UBE2D1: variants seen among roughly 807,000 people sequenced by gnomAD.
The protein encoded by UBE2D1 is ubiquitin-conjugating enzyme E2 D1.
UBE2D1 carries 9 observed loss-of-function variants against 24.6 expected under a neutral mutation model. That is an observed-to-expected ratio of 0.37 (90% CI 0.22 to 0.64). The LOEUF is 0.64. Among genes scored for constraint, UBE2D1 ranks in the 30% least tolerant of loss-of-function variants. The probability of loss-of-function intolerance (pLI) is 0.64; values close to 1 mark genes in which losing one functional copy is unlikely to be tolerated. For synonymous variants in UBE2D1, 57 were observed against 57.6 expected, an observed-to-expected ratio of 0.99 and a Z score of 0.04; for missense variants, 87 against 177.1, an observed-to-expected ratio of 0.49 and a Z score of 2.89.
chr10:58,341,977 C>G (rs1420660628), intron 1 of UBE2D1, among the ~76,000 whole-genome samples: 1 of 152,150 alleles, frequency 6.6e-6, no homozygotes, highest in Non-Finnish European at 1.5e-5. Context: ...AGGGGTAGGT[C>G]CTCAGGCCAC....
At chr10:58,360,685 C>T (rs532592775) in intron 1 of UBE2D1, among the ~76,000 whole-genome samples, 2 of 152,116 alleles carry the variant, frequency 1.3e-5, no homozygotes, top group South Asian at 2.1e-4. Context: ...TTTGGGAGGC[C>T]GAGGCAGGTG....
intron 1 of UBE2D1, among the ~76,000 whole-genome samples, chr10:58,341,460 T>C (rs1272910216): frequency 6.6e-6 from 1 of 152,176 alleles, no homozygotes; most frequent in African/African-American, 2.4e-5. Flanking sequence ...GCTCAGTCTT[T>C]CTTTTGTCCT....
intron 1 of UBE2D1, among the ~76,000 whole-genome samples, chr10:58,350,467 A>T (rs944008347): frequency 1.6e-4 from 25 of 152,066 alleles, no homozygotes; most frequent in African/African-American, 6.0e-4. Context: ...TAAAAAGTTG[A>T]TCTGTAGGAA....
chr10:58,350,525 T>C (rs540556290), intron 1 of UBE2D1, among the ~76,000 whole-genome samples: 174 of 152,316 alleles, frequency 1.1e-3, no homozygotes, highest in African/African-American at 3.8e-3. Flanking sequence ...ACATGTAATA[T>C]TGCAAATATT....
intron 1 of UBE2D1, among the ~76,000 whole-genome samples, chr10:58,338,102 C>T (rs868131805): frequency 6.6e-6 from 1 of 152,120 alleles, no homozygotes; most frequent in South Asian, 2.1e-4. Context: ...CTACCTCGGC[C>T]TCCCAAGGTG....
At chr10:58,340,098 T>G (rs1213104945) in intron 1 of UBE2D1, among the ~76,000 whole-genome samples, 2 of 152,242 alleles carry the variant, frequency 1.3e-5, no homozygotes, top group Non-Finnish European at 2.9e-5. Flanking sequence ...GACGAAAATT[T>G]AGTATCCAAA....
At chr10:58,343,892 TAATA>T (rs1283059962) in intron 1 of UBE2D1, among the ~76,000 whole-genome samples, 6 of 152,234 alleles carry the variant, frequency 3.9e-5, no homozygotes, top group Admixed American at 6.5e-5. Context: ...ACACACGTTT[TAATA>T]AATAGGCAGC....
chr10:58,342,507 A>G (rs1403048231), intron 1 of UBE2D1, among the ~76,000 whole-genome samples: 1 of 152,020 alleles, frequency 6.6e-6, no homozygotes, highest in East Asian at 1.9e-4. Flanking sequence ...TGTCTAGAGA[A>G]AACCAAGTGG....
At chr10:58,350,488 A>T (rs897375919) in intron 1 of UBE2D1, among the ~76,000 whole-genome samples, 2 of 152,200 alleles carry the variant, frequency 1.3e-5, no homozygotes, top group Non-Finnish European at 2.9e-5. Flanking sequence ...TATCTTTTAC[A>T]TATTCTGAAT....
intron 3 of UBE2D1, 52 bp downstream of exon 3, chr10:58,361,578 T>A (rs768402901): frequency 2.5e-6 from 4 of 1,609,184 alleles, no homozygotes; most frequent in Non-Finnish European, 2.5e-6. Flanking sequence ...TACTTCATTC[T>A]TGCCATTTCA....
At chr10:58,349,975 C>T (rs1440917871) in intron 1 of UBE2D1, among the ~76,000 whole-genome samples, 1 of 152,140 alleles carries the variant, frequency 6.6e-6, no homozygotes, top group East Asian at 1.9e-4. Context: ...TTGCCTGGAG[C>T]TGTAAGTTCA....
chr10:58,364,904 G>A (rs375293798), intron 5 of UBE2D1, 28 bp downstream of exon 5: 206 of 1,549,318 alleles, frequency 1.3e-4, no homozygotes, highest in Admixed American at 8.6e-5. Context: ...GTTTGAAACA[G>A]TTGATAACAG....
rs1839886307 is a variant in UBE2D1 at position 58,335,120 on chromosome 10, G to C, written c.-82G>C. 1 of 1,461,790 alleles carries C rather than the reference G, an allele frequency of 6.8e-7. No individual in the cohort carries two copies. The highest frequency in any genetic ancestry group is 9.2e-7 in the Non-Finnish European group (1 of 1,083,850). The allele number at this position is 1,461,790 out of a possible 1,614,324, so 90.6% of individuals were successfully genotyped here. On this transcript the variant is annotated 5_prime_UTR_variant, in exon 1 of 7. Transcript: ENST00000373910. ...GCGCGGAGCCAGCCTAGCTGCCAGCGAGCCCAACCCGCGACGACCCACGCC... is the reference window on the plus strand; with the variant it reads ...GCGCGGAGCCAGCCTAGCTGCCAGCCAGCCCAACCCGCGACGACCCACGCC...
At chr10:58,362,263 A>G (rs890443548) in intron 3 of UBE2D1, among the ~76,000 whole-genome samples, 1 of 152,202 alleles carries the variant, frequency 6.6e-6, no homozygotes, top group Non-Finnish European at 1.5e-5. Flanking sequence ...CATGAACACC[A>G]TTCTCTTCTC....
At chr10:58,343,024 T>C (rs959647410) in intron 1 of UBE2D1, among the ~76,000 whole-genome samples, 42 of 152,084 alleles carry the variant, frequency 2.8e-4, no homozygotes, top group Non-Finnish European at 4.6e-4. Context: ...AGAGACAAGG[T>C]TTCACCATGT....
At position 58,354,573 on chromosome 10, in the gene UBE2D1, G is replaced by T. The variant is rs145867501; in HGVS notation, c.25-6765G>T. Among the ~76,000 whole-genome samples, 291 of 152,120 alleles carry T rather than the reference G, an allele frequency of 1.9e-3. 1 individual carries two copies. The highest frequency in any genetic ancestry group is 0.01 in the Middle Eastern group (3 of 294). On this transcript the variant is annotated intron_variant, in intron 1 of 6. Transcript: ENST00000373910. ...ATTAGAACAATTTAAATATTTGGCC[G>T]GGCTCAGTGGCTTACACCTGTAATC... is the stretch of plus-strand genomic sequence containing the variant.
At chr10:58,355,011 A>G (rs887275523) in intron 1 of UBE2D1, among the ~76,000 whole-genome samples, 2 of 152,228 alleles carry the variant, frequency 1.3e-5, no homozygotes, top group African/African-American at 2.4e-5. Context: ...GTTATAGTCA[A>G]GCTTACAGAT....
intron 5 of UBE2D1, among the ~76,000 whole-genome samples, chr10:58,365,393 CT>C (rs1840244725): frequency 6.6e-6 from 1 of 152,186 alleles, no homozygotes; most frequent in Non-Finnish European, 1.5e-5. Context: ...AATAATAAAG[CT>C]TTACAGCTGT....
rs1839886904 is a variant in UBE2D1, at chr10:58,335,141, A to C, written c.-61A>C. The C allele has an allele frequency of 6.6e-7, 1 of 1,523,608 alleles. No homozygotes were observed. The highest frequency in any genetic ancestry group is 1.4e-5 in the African/African-American group (1 of 70,612). 94.4% of individuals were successfully genotyped at this position (1,523,608 alleles called of 1,614,324 possible). ...CAGCGAGCCCAACCCGCGACGACCC[A>C]CGCCCCTGAGCCCCGCAGCCGACCC... On this transcript the variant is annotated 5_prime_UTR_variant, in exon 1 of 7. Coordinates refer to ENST00000373910, the MANE Select transcript of UBE2D1 (RefSeq NM_003338.5).
Sources: gnomAD v4.1 joint callset for allele counts (sites outside exome capture counted in the v4.1 genomes callset) on GRCh38, gnomAD v4.1.1 for gene constraint, MANE v1.5 for transcripts, NCBI Gene and HGNC (gene_info 2026-07-23, HGNC 2026-07-21) for gene names.